Variants in CCDC18 observed in about 807,000 individuals in gnomAD.
CCDC18 encodes coiled-coil domain-containing protein 18.
A neutral mutation model predicts 196.0 loss-of-function variants in CCDC18; 157 were observed. The ratio of observed to expected loss-of-function variants is 0.80; its 90% CI spans 0.70 to 0.91. The LOEUF is 0.91. Among genes scored for constraint, CCDC18 ranks in the 40% least tolerant of loss-of-function variants. CCDC18 has a pLI of 0.00. For missense variants in CCDC18, 1,465 were observed against 1,611.6 expected, an observed-to-expected ratio of 0.91 and a Z score of 1.56; for synonymous variants, 482 against 529.2, an observed-to-expected ratio of 0.91 and a Z score of 1.22.
In CCDC18 at chr1:93,210,859, T is replaced by C. The variant is rs1411584855; in HGVS notation, c.1267T>C (p.Phe423Leu). ...TCTTTCTAAATACCAGATGAGTAGC[T>C]TCTCAAACAAGGAAGACCGTTGCAT... is the stretch of plus-strand genomic sequence containing the variant. ...SYLSKYQMSSFSNKEDRCIGC... is the reference protein window; with the variant it reads ...SYLSKYQMSSLSNKEDRCIGC... Residue 423 changes from phenylalanine to leucine, a missense_variant, in exon 10 of 29, where the codon TTC becomes CTC. Phe to Leu is a conservative substitution (Grantham distance 22). Transcript: ENST00000690025. The C allele has an allele frequency of 2.5e-6, 4 of 1,612,744 alleles. No homozygotes were observed. The highest frequency in any genetic ancestry group is 3.4e-6 in the Non-Finnish European group (4 of 1,178,794).
chr1:93,272,362 C>A (rs895351479), intron 28 of CCDC18, among the ~76,000 whole-genome samples: 2 of 152,132 alleles, frequency 1.3e-5, no homozygotes, highest in Non-Finnish European at 2.9e-5. Context: ...ATACAGTAAA[C>A]ACAACTGTAG....
chr1:93,257,481 A>C (rs1465874615), intron 25 of CCDC18, among the ~76,000 whole-genome samples: 13 of 151,760 alleles, frequency 8.6e-5, no homozygotes, highest in Non-Finnish European at 1.8e-4. Context: ...TTTAAGAAAA[A>C]TGTGTTTATT....
At chr1:93,181,057 C>T (rs1649541236) in intron 1 of CCDC18, among the ~76,000 whole-genome samples, 1 of 151,440 alleles carries the variant, frequency 6.6e-6, no homozygotes, top group Admixed American at 6.6e-5. Context: ...TGGCTTACGC[C>T]TGTTACCTCA....
chr1:93,260,794 A>G (rs1663682621), intron 26 of CCDC18, among the ~76,000 whole-genome samples: 1 of 151,820 alleles, frequency 6.6e-6, no homozygotes, highest in Non-Finnish European at 1.5e-5. Context: ...ACAGGCCCCG[A>G]TGTGTGATGT....
Position 93,269,934 on chromosome 1 carries a change from C to CTATT in CCDC18, c.3886-408_3886-405dup, listed in dbSNP as rs1665072089. ...GAACACAAAAAGCAGAATAGCTTAT[C>CTATT]TATTTATTCCCTACTGGAAATTCTG... On this transcript the variant is annotated intron_variant, in intron 27 of 28. Coordinates refer to ENST00000690025, the MANE Select transcript of CCDC18 (RefSeq NM_001378204.1). Among the ~76,000 whole-genome samples, 8 of 152,226 alleles carry CTATT rather than the reference C, an allele frequency of 5.3e-5. No individual in the cohort carries two copies. In the South Asian group the frequency reaches 1.5e-3, roughly 28 times the overall value.
intron 26 of CCDC18, among the ~76,000 whole-genome samples, chr1:93,260,833 T>C (rs1472413144): frequency 6.6e-6 from 1 of 152,172 alleles, no homozygotes; most frequent in African/African-American, 2.4e-5. Context: ...GTGTTCTCAT[T>C]GTTTAACTCC....
intron 13 of CCDC18, among the ~76,000 whole-genome samples, chr1:93,217,253 A>C (rs1362889961): frequency 6.6e-6 from 1 of 152,022 alleles, no homozygotes; most frequent in Non-Finnish European, 1.5e-5. Context: ...TTTTTATCCT[A>C]ATAGGATTGA....
chr1:93,180,556 A>C (rs746568987), upstream of CCDC18: 8 of 1,464,720 alleles, frequency 5.5e-6, no homozygotes, highest in African/African-American at 2.9e-5. Flanking sequence ...AATGGGCATC[A>C]TGGCGGTAAT....
At chr1:93,227,416 C>A (rs191531856) in intron 17 of CCDC18, among the ~76,000 whole-genome samples, 20 of 151,970 alleles carry the variant, frequency 1.3e-4, no homozygotes, top group African/African-American at 4.8e-4. Flanking sequence ...AATCCTGCCA[C>A]CTTGGCCTCC....
At chr1:93,226,730 C>T (rs1219357631) in intron 17 of CCDC18, among the ~76,000 whole-genome samples, 1 of 151,926 alleles carries the variant, frequency 6.6e-6, no homozygotes, top group East Asian at 1.9e-4. Context: ...GATGGGATTT[C>T]ACCATGTTGG....
At chr1:93,263,618 A>G (rs995046771) in intron 26 of CCDC18, among the ~76,000 whole-genome samples, 2 of 152,214 alleles carry the variant, frequency 1.3e-5, no homozygotes, top group African/African-American at 2.4e-5. Flanking sequence ...TTCATTGTCC[A>G]TATCACTATC....
intron 21 of CCDC18, among the ~76,000 whole-genome samples, chr1:93,241,678 A>G (rs1411253865): frequency 7.2e-6 from 1 of 138,282 alleles, no homozygotes; most frequent in East Asian, 2.3e-4. Flanking sequence ...GCCAAGAATG[A>G]GCCATGATCC....
rs2102099072 is a variant in CCDC18 at position 93,216,726 on chromosome 1, G to C, written c.1810G>C (p.Glu604Gln). Residue 604 changes from glutamate (E) to glutamine (Q), a missense_variant, in exon 13 of 29, where the codon GAA (glutamate) becomes CAA (glutamine). By Grantham distance (29) the Glu-to-Gln change is conservative. Transcript: ENST00000690025. Reference sequence around the variant, plus strand: ...TTCCTCTATTGCTGCAAAAAATGCAGAACTAGAACAGGAGCTTATGGTAAA... The same window carrying C: ...TTCCTCTATTGCTGCAAAAAATGCACAACTAGAACAGGAGCTTATGGTAAA... Reference protein sequence around the residue: ...AYSSIAAKNAELEQELMEKNE... With the variant: ...AYSSIAAKNAQLEQELMEKNE... 6.4e-7 allele frequency: 1 copy of C among 1,566,246 alleles called. No homozygotes were observed. The highest frequency in any genetic ancestry group is 8.7e-7 in the Non-Finnish European group (1 of 1,151,896).
At chr1:93,261,671 C>T (rs1663815550) in intron 26 of CCDC18, among the ~76,000 whole-genome samples, 2 of 152,050 alleles carry the variant, frequency 1.3e-5, no homozygotes, top group Non-Finnish European at 2.9e-5. Context: ...AAAAATGTTA[C>T]CAAACTCCCT....
At chr1:93,200,334 T>TAAA (rs34770788) in intron 6 of CCDC18, among the ~76,000 whole-genome samples, 33 of 141,352 alleles carry the variant, frequency 2.3e-4, no homozygotes, top group African/African-American at 7.6e-4. Context: ...GGAGATTATT[T>TAAA]AAAAAAAAAA....
At chr1:93,242,617 A>T (rs1236137569) in intron 21 of CCDC18, among the ~76,000 whole-genome samples, 2 of 152,174 alleles carry the variant, frequency 1.3e-5, no homozygotes, top group Non-Finnish European at 2.9e-5. Flanking sequence ...GCAGTAACTC[A>T]AAAGTCCACA....
At chr1:93,275,142 G>T (rs2101583822) in intron 28 of CCDC18, among the ~76,000 whole-genome samples, 1 of 152,178 alleles carries the variant, frequency 6.6e-6, no homozygotes, top group Admixed American at 6.5e-5. Flanking sequence ...GCAGAGTCTT[G>T]TGCTGTCACC....
intron 6 of CCDC18, among the ~76,000 whole-genome samples, chr1:93,197,961 C>T (rs550371597): frequency 6.6e-6 from 1 of 151,990 alleles, no homozygotes; most frequent in African/African-American, 2.4e-5. Context: ...CCATGTTAGC[C>T]AGGATGATCT....
intron 4 of CCDC18, among the ~76,000 whole-genome samples, chr1:93,190,285 C>T (rs999997202): frequency 6.6e-6 from 1 of 152,106 alleles, no homozygotes; most frequent in Non-Finnish European, 1.5e-5. Flanking sequence ...GTTAAGAGAT[C>T]GAGACCATCC....
Sources: allele counts gnomAD v4.1 joint callset (sites outside exome capture counted in the v4.1 genomes callset), GRCh38; gene constraint gnomAD v4.1.1; transcripts MANE v1.5; gene names NCBI Gene and HGNC (gene_info 2026-07-23, HGNC 2026-07-21).